The following KRT74 variants were observed in gnomAD, a reference collection of about 807,000 sequenced individuals.
The protein encoded by KRT74 is keratin, type II cytoskeletal 74.
Under a neutral mutation model 42.7 loss-of-function variants are expected in KRT74, and 43 were observed. The ratio of observed to expected loss-of-function variants is 1.01; its 90% CI spans 0.79 to 1.30. The LOEUF (loss-of-function observed/expected upper bound fraction) is 1.30, where lower values mean the gene tolerates loss of function less well. Ranked by LOEUF, KRT74 falls within the 50% of genes most tolerant of loss-of-function variation. The pLI is 0.00. For synonymous variants in KRT74, 302 were observed against 279.0 expected, an observed-to-expected ratio of 1.08 and a Z score of -0.82; for missense variants, 736 against 689.1, an observed-to-expected ratio of 1.07 and a Z score of -0.76.
chr12:52,570,098 G>A, intron 5 of KRT74, 114 bp from the exon 6 acceptor site: 5 of 1,230,298 alleles, frequency 4.1e-6, no homozygotes, highest in South Asian at 1.3e-5. Flanking sequence ...GAACTGAAGA[G>A]GAGTGCTGGG....
chr12:52,568,501 T>C, intron 6 of KRT74, 112 bp from the exon 7 acceptor site: 1 of 1,156,640 alleles, frequency 8.6e-7, no homozygotes, highest in Non-Finnish European at 1.2e-6. Context: ...TGACAAGGAG[T>C]AAAAGCTGCA....
At chr12:52,570,538 T>C in intron 5 of KRT74, 131 bp downstream of exon 5, 1 of 966,648 alleles carries the variant, frequency 1.0e-6, no homozygotes, top group Non-Finnish European at 1.6e-6. Context: ...ATTCCTTTTT[T>C]CCTTGAAGCC....
Position 52,569,925 on chromosome 12 carries a change from G to A in KRT74, c.1068C>T (p.Ser356=), listed in dbSNP as rs749002964. 19 of 1,613,986 alleles carry A rather than the reference G, an allele frequency of 1.2e-5. No homozygotes were observed. The highest frequency in any genetic ancestry group is 3.3e-4 in the Middle Eastern group (2 of 6,082). ...RHGDDLKHTR[S]EMVELNRLIQ... is the part of the protein sequence containing the mutation. ...TGAGCCGGTTCAGCTCCACCATCTCGCTCCTGGTGTGTTTCAGGTCGTCAC... is the reference window on the plus strand; with the variant it reads ...TGAGCCGGTTCAGCTCCACCATCTCACTCCTGGTGTGTTTCAGGTCGTCAC... The change falls in exon 6 of 9, where the codon AGC becomes AGT. Residue 356 remains serine (S), a synonymous_variant. Coordinates refer to ENST00000305620, the MANE Select transcript of KRT74 (RefSeq NM_175053.4).
chr12:52,573,463 A>T lies in KRT74; in HGVS notation c.315T>A (p.Ser105=). ...GSVALGPACL[S]VCPPGGIHQV... ...GGTGGATGCCCCCAGGTGGGCACAC[A>T]GACAAACATGCAGGCCCCAGGGCCA... The change falls in exon 1 of 9, where the codon TCT becomes TCA. Residue 105 remains serine (S), a synonymous_variant. Coordinates refer to ENST00000305620, the MANE Select transcript of KRT74 (RefSeq NM_175053.4). 1 of 1,614,210 alleles carries T rather than the reference A, an allele frequency of 6.2e-7. No individual in the cohort carries two copies. Among genetic ancestry groups the T allele is most frequent in the Non-Finnish European group, 8.5e-7 (1 of 1,180,034 alleles).
chr12:52,570,683 GGGCCTCGGCCTC>G lies in KRT74; in HGVS notation c.982_993del (p.Glu328_Ala331del). 1 of 1,614,258 alleles carries G rather than the reference GGGCCTCGGCCTC, an allele frequency of 6.2e-7. No homozygotes were observed. The highest frequency in any genetic ancestry group is 8.5e-7 in the Non-Finnish European group (1 of 1,180,052). Reference sequence around the variant, plus strand: ...TCGGTGACCACCTTGGTCTGGTACAGGGCCTCGGCCTCGGCCTTGCTCTTCAGGGCGATCTCC... The same window carrying G: ...TCGGTGACCACCTTGGTCTGGTACAGGGCCTTGCTCTTCAGGGCGATCTCC... On this transcript the variant is annotated inframe_deletion, in exon 5 of 9. Transcript: ENST00000305620.
chr12:52,572,811 A>C, intron 1 of KRT74, 144 bp from the exon 2 acceptor site: 1 of 766,096 alleles, frequency 1.3e-6, no homozygotes, highest in Non-Finnish European at 2.3e-6. Context: ...GCCATTCCAC[A>C]CAAACTAGAT....
chr12:52,569,530 A>C, intron 6 of KRT74: 2 of 598,234 alleles, frequency 3.3e-6, no homozygotes, highest in Non-Finnish European at 6.0e-6. Flanking sequence ...CACAGAAAAA[A>C]TCTGCAGAAG....
intron 6 of KRT74, chr12:52,569,509 G>A (rs1213596724): frequency 3.3e-6 from 2 of 605,608 alleles, no homozygotes; most frequent in South Asian, 2.0e-5. Flanking sequence ...ACATGGGGCA[G>A]GTTCATTGGA....
chr12:52,572,560 G>A lies in KRT74; in HGVS notation c.579C>T (p.Gly193=). 6.2e-7 allele frequency: 1 copy of A among 1,614,216 alleles called. No individual in the cohort carries two copies. Among genetic ancestry groups the A allele is most frequent in the Non-Finnish European group, 8.5e-7 (1 of 1,180,036 alleles). The change falls in exon 2 of 9, where the codon GGC becomes GGT. Residue 193 remains glycine, a synonymous_variant. Coordinates refer to ENST00000305620, the MANE Select transcript of KRT74 (RefSeq NM_175053.4). The part of the protein sequence containing the change: ...CKKNLEPILE[G]YISNLRKQLE... ...GCTGCTTCCGCAGGTTGCTGATGTA[G>A]CCCTCAAGGATGGGCTCCAGGTTCT...
rs1311061896 is a variant in KRT74 at position 52,566,452 on chromosome 12, T to G, written c.*517A>C. The G allele has an allele frequency of 6.5e-6, 1 of 152,712 alleles. No homozygotes were observed. The highest frequency in any genetic ancestry group is 1.5e-5 in the Non-Finnish European group (1 of 68,420). 9.5% of individuals were successfully genotyped at this position (152,712 alleles called of 1,614,324 possible). On this transcript the variant is annotated 3_prime_UTR_variant, in exon 9 of 9. Coordinates refer to ENST00000305620, the MANE Select transcript of KRT74 (RefSeq NM_175053.4). ...GGGTGCAGCTGGTGGTCTACAGATG[T>G]ACACGTGGTGTCCTAAATATTGGCG...
chr12:52,567,192 G>T, intron 8 of KRT74, 24 bp from the exon 9 acceptor site: 1 of 1,547,540 alleles, frequency 6.5e-7, no homozygotes, highest in South Asian at 1.2e-5. Context: ...GCCAAGAGCA[G>T]GGGAGAGGAG....
rs201094419 is a variant in KRT74 at position 52,567,089 on chromosome 12, G to A, written c.1470C>T (p.Gly490=). ...GVDLGASAVA[G]SSGSTQSGQT... is the part of the protein sequence containing the mutation. ...GCCCGCTCTGGGTGCTGCCAGAGCT[G>A]CCTGCCACAGCGCTGGCCCCAAGGT... is the stretch of plus-strand genomic sequence containing the variant. The change falls in exon 9 of 9, where the codon GGC becomes GGT. Residue 490 remains glycine (G), a synonymous_variant. Transcript: ENST00000305620. 41 of 1,598,746 alleles carry A rather than the reference G, an allele frequency of 2.6e-5. 2 individuals are homozygous for A. The Middle Eastern group carries it at 3.7e-3, about 143-fold the overall frequency.
intron 6 of KRT74, chr12:52,569,361 C>A (rs1939434318): frequency 2.9e-6 from 1 of 348,454 alleles, no homozygotes; most frequent in South Asian, 6.5e-5. Flanking sequence ...GTCAACAGAC[C>A]ATGCCCCACT....
intron 8 of KRT74, 117 bp from the exon 9 acceptor site, chr12:52,567,285 A>T: frequency 2.3e-6 from 2 of 865,376 alleles, no homozygotes; most frequent in Non-Finnish European, 1.7e-6. Context: ...AATCCGCAGA[A>T]CCACCCTCAG....
At chr12:52,571,602 A>G (rs1939483920) in intron 3 of KRT74, 148 bp from the exon 4 acceptor site, 1 of 703,530 alleles carries the variant, frequency 1.4e-6, no homozygotes, top group Non-Finnish European at 2.6e-6. Flanking sequence ...GGCTGCCTGA[A>G]GCTTTGGGAA....
intron 2 of KRT74, 146 bp from the exon 3 acceptor site, chr12:52,572,150 C>A: frequency 1.3e-6 from 1 of 745,700 alleles, no homozygotes; most frequent in Non-Finnish European, 2.4e-6. Flanking sequence ...TAAGATATCC[C>A]TGAGTTGCTT....
In KRT74 at chr12:52,573,836, A is replaced by G. The variant is rs999915262; in HGVS notation, c.-59T>C. 16 of 1,333,062 alleles carry G rather than the reference A, an allele frequency of 1.2e-5. No individual in the cohort carries two copies. The Admixed American group carries it at 2.6e-4, about 22-fold the overall frequency. The allele number at this position is 1,333,062 out of a possible 1,614,324, so 82.6% of individuals were successfully genotyped here. A position where few individuals can be genotyped will look rare whatever the true frequency, so the allele number is the denominator to read the frequency against. On this transcript the variant is annotated 5_prime_UTR_variant, in exon 1 of 9. Transcript: ENST00000305620. ...AAGCAGTCTCCAAGGGGTAGAGAAC[A>G]CACTGATGGGGCACCCAGAGTGCTG...
At position 52,566,818 on chromosome 12, in the gene KRT74, T is replaced by TGGTCGCC; in HGVS notation, c.*150_*151insGGCGACC. The TGGTCGCC allele has an allele frequency of 1.7e-6, 1 of 589,688 alleles. No individual in the cohort carries two copies. 36.5% of individuals were successfully genotyped at this position (589,688 alleles called of 1,614,324 possible). A position where few individuals can be genotyped will look rare whatever the true frequency, so the allele number is the denominator to read the frequency against. On this transcript the variant is annotated 3_prime_UTR_variant, in exon 9 of 9. Transcript: ENST00000305620. ...GAAGGTGACTGTGTCAATCAGAGCT[T>TGGTCGCC]GAAAGTAAAAGCTAAACCACGATGC...
chr12:52,570,865 C>T (rs141775011), intron 4 of KRT74, 32 bp from the exon 5 acceptor site: 5 of 1,613,526 alleles, frequency 3.1e-6, no homozygotes, highest in Admixed American at 1.7e-5. Context: ...GATTCAGCAA[C>T]CCCCTGGCTT....
Sources: allele counts gnomAD v4.1 joint callset, GRCh38; gene constraint gnomAD v4.1.1; transcripts MANE v1.5; gene names NCBI Gene and HGNC (gene_info 2026-07-23, HGNC 2026-07-21).